The following GRAMD2B variants were observed in gnomAD, a reference collection of about 807,000 sequenced individuals.
The protein encoded by GRAMD2B is GRAM domain containing 2B.
GRAMD2B carries 41 observed loss-of-function variants against 59.2 expected under a neutral mutation model. That is an observed-to-expected ratio of 0.69 (90% confidence interval 0.54 to 0.90). The LOEUF (loss-of-function observed/expected upper bound fraction) is 0.90, where lower values mean the gene tolerates loss of function less well. Ranked by LOEUF, GRAMD2B falls within the 40% of genes least tolerant of loss-of-function variation. The pLI is 0.00. For missense variants in GRAMD2B, 424 were observed against 500.5 expected, an observed-to-expected ratio of 0.85 and a Z score of 1.46; for synonymous variants, 161 against 182.7, an observed-to-expected ratio of 0.88 and a Z score of 0.96.
chr5:126,423,743 ACTT>A (rs2149781698), intron 1 of GRAMD2B, 54 bp downstream of exon 1: 1 of 1,529,846 alleles, frequency 6.5e-7, no homozygotes. Context: ...CGCAGCCTAA[ACTT>A]CTCTGCCCCG....
chr5:126,409,603 A>G (rs1392694330), intron 1 of GRAMD2B, among the ~76,000 whole-genome samples: 1 of 151,880 alleles, frequency 6.6e-6, no homozygotes, highest in African/African-American at 2.4e-5. Context: ...TTGTCAGATG[A>G]GTAGGTTGCG....
intron 1 of GRAMD2B, among the ~76,000 whole-genome samples, chr5:126,364,346 A>G (rs1194631587): frequency 6.6e-6 from 1 of 152,224 alleles, no homozygotes; most frequent in Non-Finnish European, 1.5e-5. Flanking sequence ...GAAATTCAGA[A>G]AATTGTGGAA....
chr5:126,374,537 G>A (rs756707022), intron 1 of GRAMD2B, among the ~76,000 whole-genome samples: 2 of 152,082 alleles, frequency 1.3e-5, no homozygotes, highest in Non-Finnish European at 2.9e-5. Context: ...CTATGTCTGA[G>A]TTCTTATTTT....
At chr5:126,483,729 T>G (rs2126930503) in intron 9 of GRAMD2B, 155 bp downstream of exon 9, 1 of 570,160 alleles carries the variant, frequency 1.8e-6, no homozygotes, top group East Asian at 2.9e-5. Context: ...AAAGGATGCC[T>G]TGAGAGTTGG....
At chr5:126,477,163 T>C (rs1770781936) in intron 5 of GRAMD2B, among the ~76,000 whole-genome samples, 1 of 152,158 alleles carries the variant, frequency 6.6e-6, no homozygotes. Context: ...TTCAAAAACT[T>C]TTAGATTTTG....
intron 1 of GRAMD2B, among the ~76,000 whole-genome samples, chr5:126,457,684 C>A (rs990445853): frequency 1.3e-5 from 2 of 151,948 alleles, no homozygotes; most frequent in Admixed American, 1.3e-4. Context: ...CAAGTTAAAT[C>A]TTAAAGGGAG....
At chr5:126,420,691 G>A (rs373895515), upstream of GRAMD2B, among the ~76,000 whole-genome samples, 41 of 152,262 alleles carry the variant, frequency 2.7e-4, no homozygotes, top group African/African-American at 9.6e-4. Flanking sequence ...TCTCAAAAGG[G>A]TAAACATAGA....
In GRAMD2B at chr5:126,477,762, T is replaced by C; in HGVS notation, c.557T>C (p.Leu186Pro). 2 of 1,610,622 alleles carry C rather than the reference T, an allele frequency of 1.2e-6. No individual in the cohort carries two copies. Among genetic ancestry groups the C allele is most frequent in the East Asian group, 2.2e-5 (1 of 44,868 alleles). Residue 186 changes from leucine (L) to proline (P), a missense_variant, in exon 6 of 14, where the codon CTG (leucine) becomes CCG (proline). Coordinates refer to ENST00000285689, the MANE Select transcript of GRAMD2B (RefSeq NM_023927.4). ...TKTALLVPNA[L>P]IIATVTDRYI... Reference sequence around the variant, plus strand: ...ACTGCTCTTCTAGTGCCAAACGCCCTGATCATAGCAACAGTCACAGACAGG... The same window carrying C: ...ACTGCTCTTCTAGTGCCAAACGCCCCGATCATAGCAACAGTCACAGACAGG...
chr5:126,410,007 G>A (rs1250689389), intron 1 of GRAMD2B, among the ~76,000 whole-genome samples: 7 of 150,890 alleles, frequency 4.6e-5, no homozygotes, highest in Middle Eastern at 3.4e-3. Flanking sequence ...GTAGATATGC[G>A]GCTTTATTTC....
upstream of GRAMD2B, among the ~76,000 whole-genome samples, chr5:126,370,110 A>G (rs972505176): frequency 6.6e-6 from 1 of 152,220 alleles, no homozygotes; most frequent in Non-Finnish European, 1.5e-5. Context: ...TAAGGTGACC[A>G]CCTGCCCCAG....
intron 1 of GRAMD2B, chr5:126,360,551 A>C: frequency 8.0e-7 from 1 of 1,245,606 alleles, no homozygotes; most frequent in South Asian, 1.6e-5. Flanking sequence ...TTAAGGACAG[A>C]GTGTCTCCAC....
intron 13 of GRAMD2B, among the ~76,000 whole-genome samples, chr5:126,490,565 A>G (rs576033352): frequency 6.6e-6 from 1 of 152,316 alleles, no homozygotes; most frequent in African/African-American, 2.4e-5. Context: ...GCGCGTGTTG[A>G]TGTTCTAAAA....
chr5:126,374,104 C>A (rs1008806555), intron 1 of GRAMD2B, among the ~76,000 whole-genome samples: 3 of 152,156 alleles, frequency 2.0e-5, no homozygotes, highest in Non-Finnish European at 2.9e-5. Context: ...AAGGCACATA[C>A]CTAGAGGAAA....
At chr5:126,389,276 A>G (rs1409709506) in intron 1 of GRAMD2B, among the ~76,000 whole-genome samples, 1 of 152,192 alleles carries the variant, frequency 6.6e-6, no homozygotes, top group African/African-American at 2.4e-5. Context: ...ACCACATATA[A>G]GCACTATAAA....
chr5:126,420,961 CTGAG>C (rs1759668797), upstream of GRAMD2B, among the ~76,000 whole-genome samples: 1 of 152,074 alleles, frequency 6.6e-6, no homozygotes, highest in South Asian at 2.1e-4. Context: ...AAACATTACA[CTGAG>C]TGAAACAAGC....
chr5:126,479,202 T>A (rs1339004905), intron 6 of GRAMD2B, among the ~76,000 whole-genome samples: 2 of 152,162 alleles, frequency 1.3e-5, no homozygotes. Flanking sequence ...TTTTCCTTTT[T>A]TATTTTTTCT....
chr5:126,449,165 T>C (rs1764874799), intron 1 of GRAMD2B, among the ~76,000 whole-genome samples: 1 of 152,232 alleles, frequency 6.6e-6, no homozygotes, highest in Admixed American at 6.5e-5. Context: ...TTAAAATCTT[T>C]TAGATCCACT....
chr5:126,426,622 C>T (rs1760661076), intron 1 of GRAMD2B, among the ~76,000 whole-genome samples: 1 of 152,138 alleles, frequency 6.6e-6, no homozygotes, highest in South Asian at 2.1e-4. Flanking sequence ...TCTCAGAGGA[C>T]CCAACCAACA....
intron 1 of GRAMD2B, among the ~76,000 whole-genome samples, chr5:126,363,970 G>T (rs1013641818): frequency 1.3e-4 from 20 of 152,022 alleles, no homozygotes; most frequent in African/African-American, 4.6e-4. Context: ...AGTGAACTTT[G>T]TATTATGTAA....
Sources: gnomAD v4.1 joint callset for allele counts (sites outside exome capture counted in the v4.1 genomes callset) on GRCh38, gnomAD v4.1.1 for gene constraint, MANE v1.5 for transcripts, NCBI Gene and HGNC (gene_info 2026-07-23, HGNC 2026-07-21) for gene names.